The following UGT1A10 variants were observed in gnomAD, a reference collection of about 807,000 sequenced individuals.
UGT1A10 encodes UDP-glucuronosyltransferase 1A10.
A neutral mutation model predicts 45.8 loss-of-function variants in UGT1A10; 49 were observed. That is an observed-to-expected ratio of 1.07 (90% CI 0.85 to 1.36). The LOEUF (loss-of-function observed/expected upper bound fraction) is 1.36. Ranked by LOEUF, UGT1A10 falls within the 40% of genes most tolerant of loss-of-function variation. The pLI, the probability that UGT1A10 is intolerant of heterozygous loss-of-function variation, is 0.00. For synonymous variants in UGT1A10, 284 were observed against 249.7 expected (o/e 1.14, Z -1.29); for missense variants, 745 against 668.6 (o/e 1.11, Z -1.26).
At chr2:233,746,220 C>T (rs753695127) in intron 1 of UGT1A10, among the ~76,000 whole-genome samples, 8 of 151,652 alleles carry the variant, frequency 5.3e-5, no homozygotes, top group African/African-American at 2.0e-4. Context: ...ATAGCAAGGA[C>T]AGATATGCAA....
At chr2:233,722,664 T>C (rs1443762088) in intron 1 of UGT1A10, among the ~76,000 whole-genome samples, 2 of 152,158 alleles carry the variant, frequency 1.3e-5, no homozygotes, top group Admixed American at 1.3e-4. Flanking sequence ...TTTACTTAGG[T>C]TTTGGTAAAA....
chr2:233,705,451 A>AT (rs1396968859), intron 1 of UGT1A10, among the ~76,000 whole-genome samples: 2 of 152,158 alleles, frequency 1.3e-5, no homozygotes, highest in Non-Finnish European at 2.9e-5. Flanking sequence ...AATTGCACAT[A>AT]TTTTTTAGCA....
intron 1 of UGT1A10, among the ~76,000 whole-genome samples, chr2:233,731,421 G>C (rs1039281599): frequency 6.6e-6 from 1 of 151,738 alleles, no homozygotes; most frequent in Non-Finnish European, 1.5e-5. Context: ...TTTTCCTAAT[G>C]CCATCCCTCC....
At chr2:233,755,225 C>G (rs563873154) in intron 1 of UGT1A10, 4 of 974,952 alleles carry the variant, frequency 4.1e-6, no homozygotes, top group Non-Finnish European at 6.0e-6. Flanking sequence ...TACCCTCGGA[C>G]GAGGCCTACC....
chr2:233,691,534 G>C, intron 1 of UGT1A10: 1 of 985,646 alleles, frequency 1.0e-6, no homozygotes, highest in Non-Finnish European at 1.2e-6. Flanking sequence ...ACTAGCTCTG[G>C]GCAAGTCTGT....
intron 1 of UGT1A10, among the ~76,000 whole-genome samples, chr2:233,728,329 C>T (rs541948735): frequency 6.6e-6 from 1 of 152,154 alleles, no homozygotes; most frequent in Admixed American, 6.5e-5. Flanking sequence ...GGCTCCAGCT[C>T]CCCCAGTCCC....
chr2:233,657,532 G>A (rs1050112303), intron 1 of UGT1A10, among the ~76,000 whole-genome samples: 2 of 152,046 alleles, frequency 1.3e-5, no homozygotes, highest in African/African-American at 2.4e-5. Flanking sequence ...ACCCATTATC[G>A]GGAAAAACAT....
chr2:233,656,163 G>A (rs1448110087), intron 1 of UGT1A10, among the ~76,000 whole-genome samples: 2 of 152,156 alleles, frequency 1.3e-5, no homozygotes, highest in African/African-American at 4.8e-5. Flanking sequence ...TGACTCATGC[G>A]TATTGAACAC....
chr2:233,772,168 A>C, intron 4 of UGT1A10, 94 bp from the exon 5 acceptor site: 1 of 1,573,330 alleles, frequency 6.4e-7, no homozygotes, highest in Non-Finnish European at 8.6e-7. Flanking sequence ...AAGTTTGGAA[A>C]ATCTGGTAGT....
intron 1 of UGT1A10, chr2:233,672,804 C>A (rs1457143857): frequency 1.9e-6 from 3 of 1,607,786 alleles, no homozygotes; most frequent in East Asian, 2.2e-5. Context: ...GTTATCTCTC[C>A]TTTAGCACCT....
intron 1 of UGT1A10, among the ~76,000 whole-genome samples, chr2:233,680,355 T>G (rs2125517716): frequency 6.6e-6 from 1 of 152,308 alleles, no homozygotes; most frequent in African/African-American, 2.4e-5. Context: ...TCATATCACA[T>G]GCATTTAGGC....
chr2:233,693,137 A>G, intron 1 of UGT1A10: 1 of 1,614,192 alleles, frequency 6.2e-7, no homozygotes, highest in Non-Finnish European at 8.5e-7. Flanking sequence ...TATGAAGGAT[A>G]TAGTTGAGGT....
chr2:233,764,256 T>A (rs367961142), intron 1 of UGT1A10, among the ~76,000 whole-genome samples: 39 of 152,260 alleles, frequency 2.6e-4, no homozygotes, highest in African/African-American at 9.4e-4. Context: ...TCAGTTAATA[T>A]GTTGCTTCAC....
At chr2:233,755,060 C>G (rs747080554) in intron 1 of UGT1A10, 1 of 1,334,970 alleles carries the variant, frequency 7.5e-7, no homozygotes, top group South Asian at 1.1e-5. Context: ...CCGCCCTCGC[C>G]TCGCCATAGC....
At chr2:233,665,318 T>C (rs1396118331) in intron 1 of UGT1A10, among the ~76,000 whole-genome samples, 1 of 152,208 alleles carries the variant, frequency 6.6e-6, no homozygotes, top group African/African-American at 2.4e-5. Flanking sequence ...TTTTGCACAT[T>C]AGTATGTAAA....
intron 1 of UGT1A10, among the ~76,000 whole-genome samples, chr2:233,676,357 G>A (rs909982063): frequency 6.6e-6 from 1 of 152,106 alleles, no homozygotes; most frequent in Non-Finnish European, 1.5e-5. Context: ...ATAAATATAG[G>A]ATTATAGCAA....
intron 1 of UGT1A10, among the ~76,000 whole-genome samples, chr2:233,720,310 T>C (rs1232996751): frequency 6.6e-6 from 1 of 152,138 alleles, no homozygotes; most frequent in Non-Finnish European, 1.5e-5. Context: ...GTCTGGTGTA[T>C]GATGTGGGGA....
At chr2:233,679,547 T>A (rs1281095100) in intron 1 of UGT1A10, among the ~76,000 whole-genome samples, 1 of 151,974 alleles carries the variant, frequency 6.6e-6, no homozygotes, top group Non-Finnish European at 1.5e-5. Flanking sequence ...TGTGTCATCT[T>A]TTTTTTTGTT....
intron 1 of UGT1A10, among the ~76,000 whole-genome samples, chr2:233,679,933 C>G (rs2074466746): frequency 6.6e-6 from 1 of 152,094 alleles, no homozygotes; most frequent in South Asian, 2.1e-4. Flanking sequence ...ATGTATTTCA[C>G]AAAAAGATGC....
Sources: allele counts gnomAD v4.1 joint callset (sites outside exome capture counted in the v4.1 genomes callset), GRCh38; gene constraint gnomAD v4.1.1; transcripts MANE v1.5; gene names NCBI Gene and HGNC (gene_info 2026-07-23, HGNC 2026-07-21).